NMNAT2: variants seen among roughly 807,000 people sequenced by gnomAD.
The protein encoded by NMNAT2 is nicotinamide nucleotide adenylyltransferase 2.
A neutral mutation model predicts 41.6 loss-of-function variants in NMNAT2; 11 were observed. The ratio of observed to expected loss-of-function variants is 0.26; its 90% confidence interval spans 0.17 to 0.44. The LOEUF (loss-of-function observed/expected upper bound fraction) is 0.44. Ranked by LOEUF, NMNAT2 falls within the 20% of genes least tolerant of loss-of-function variation. The probability of loss-of-function intolerance (pLI) is 1.00; values close to 1 mark genes in which losing one functional copy is unlikely to be tolerated. For synonymous variants in NMNAT2, 148 were observed against 151.2 expected, an observed-to-expected ratio of 0.98 and a Z score of 0.16; for missense variants, 288 against 407.7, an observed-to-expected ratio of 0.71 and a Z score of 2.53.
At chr1:183,307,589 C>T (rs1190886313) in intron 1 of NMNAT2, among the ~76,000 whole-genome samples, 1 of 152,170 alleles carries the variant, frequency 6.6e-6, no homozygotes, top group East Asian at 1.9e-4. Flanking sequence ...ATTACAGGCT[C>T]CCACCACCAC....
At chr1:183,386,396 A>G (rs557056540) in intron 1 of NMNAT2, among the ~76,000 whole-genome samples, 14 of 152,352 alleles carry the variant, frequency 9.2e-5, no homozygotes, top group African/African-American at 3.4e-4. Flanking sequence ...TATTTTGAAT[A>G]GCAATGTACC....
chr1:183,308,474 A>G (rs1662043738), intron 1 of NMNAT2, among the ~76,000 whole-genome samples: 1 of 152,160 alleles, frequency 6.6e-6, no homozygotes, highest in African/African-American at 2.4e-5. Flanking sequence ...TACAGAAAAA[A>G]CTTGCACATG....
intron 1 of NMNAT2, among the ~76,000 whole-genome samples, chr1:183,318,180 G>A (rs368043800): frequency 1.3e-5 from 2 of 152,176 alleles, no homozygotes; most frequent in Non-Finnish European, 2.9e-5. Flanking sequence ...CGAAGTCTCT[G>A]CCTCACCTCC....
chr1:183,305,895 T>C (rs1462906922), intron 1 of NMNAT2, among the ~76,000 whole-genome samples: 1 of 152,088 alleles, frequency 6.6e-6, no homozygotes, highest in East Asian at 1.9e-4. Flanking sequence ...CAATTTTTTG[T>C]ATTTTTAGTA....
At chr1:183,352,744 G>A (rs546034796) in intron 1 of NMNAT2, among the ~76,000 whole-genome samples, 2 of 152,244 alleles carry the variant, frequency 1.3e-5, no homozygotes, top group South Asian at 4.1e-4. Flanking sequence ...GCTGGTCCCG[G>A]GAACATGGTG....
intron 10 of NMNAT2, among the ~76,000 whole-genome samples, chr1:183,259,193 A>G (rs1355050136): frequency 6.6e-6 from 1 of 152,176 alleles, no homozygotes; most frequent in East Asian, 1.9e-4. Context: ...ACTCAGTGGG[A>G]CTGGGCAGGA....
intron 1 of NMNAT2, among the ~76,000 whole-genome samples, chr1:183,323,912 G>C (rs1228101462): frequency 6.6e-6 from 1 of 152,192 alleles, no homozygotes; most frequent in Non-Finnish European, 1.5e-5. Flanking sequence ...CAGAGGCTGG[G>C]GTGGAAGAGG....
intron 1 of NMNAT2, among the ~76,000 whole-genome samples, chr1:183,358,346 T>C (rs190889255): frequency 5.8e-4 from 89 of 152,290 alleles, no homozygotes; most frequent in Admixed American, 2.8e-3. Context: ...AAATAACCTG[T>C]ACAACAAACC....
chr1:183,271,372 G>C (rs541010355), intron 8 of NMNAT2, among the ~76,000 whole-genome samples: 1 of 152,060 alleles, frequency 6.6e-6, no homozygotes, highest in Non-Finnish European at 1.5e-5. Flanking sequence ...TCCTTAAAAA[G>C]CTCTTCTCTT....
chr1:183,352,075 A>G (rs1484107970), intron 1 of NMNAT2, among the ~76,000 whole-genome samples: 2 of 152,164 alleles, frequency 1.3e-5, no homozygotes, highest in Non-Finnish European at 2.9e-5. Context: ...GAGAATGTCT[A>G]GTTCAGGGCA....
intron 1 of NMNAT2, among the ~76,000 whole-genome samples, chr1:183,331,290 A>AG (rs1415080930): frequency 6.6e-6 from 1 of 150,728 alleles, no homozygotes; most frequent in Non-Finnish European, 1.5e-5. Flanking sequence ...GGTCTGGGGG[A>AG]GGGTTGCCAA....
chr1:183,393,998 A>G (rs553324396), intron 1 of NMNAT2, among the ~76,000 whole-genome samples: 22 of 152,370 alleles, frequency 1.4e-4, no homozygotes, highest in Admixed American at 1.0e-3. Flanking sequence ...GAAGAGATGG[A>G]CAATAAACAA....
chr1:183,382,277 G>A (rs1663816749), intron 1 of NMNAT2, among the ~76,000 whole-genome samples: 1 of 152,144 alleles, frequency 6.6e-6, no homozygotes, highest in Non-Finnish European at 1.5e-5. Context: ...GGGGAGATCT[G>A]CCCCCATGAT....
chr1:183,276,865 G>A (rs1359945453), intron 8 of NMNAT2, among the ~76,000 whole-genome samples: 1 of 152,234 alleles, frequency 6.6e-6, no homozygotes, highest in African/African-American at 2.4e-5. Context: ...CTGAAAGGAG[G>A]TTTAAAATTT....
At position 183,248,943 on chromosome 1, in the gene NMNAT2, G is replaced by A. The variant is rs1358817129; in HGVS notation, c.*3698C>T. The A allele has an allele frequency of 6.7e-6, 1 of 149,940 alleles. No individual in the cohort carries two copies. The highest frequency in any genetic ancestry group is 1.5e-5 in the Non-Finnish European group (1 of 67,688). The allele number at this position is 149,940 out of a possible 1,614,324, so 9.3% of individuals were successfully genotyped here. On this transcript the variant is annotated 3_prime_UTR_variant, in exon 11 of 11. Transcript: ENST00000287713. ...GTGTGTGTGTGTGTGTCAGTTTGAG[G>A]AGAGTAGAATTGGGCTGGTAAGTAC...
chr1:183,382,802 T>C (rs1663829481), intron 1 of NMNAT2, among the ~76,000 whole-genome samples: 1 of 152,206 alleles, frequency 6.6e-6, no homozygotes, highest in African/African-American at 2.4e-5. Flanking sequence ...CTCTGCCCCT[T>C]TAGCTCTGCA....
intron 5 of NMNAT2, among the ~76,000 whole-genome samples, chr1:183,285,609 T>C (rs1167235794): frequency 6.6e-6 from 1 of 152,218 alleles, no homozygotes; most frequent in African/African-American, 2.4e-5. Context: ...GTCTCCAGGC[T>C]TGAAAAGTAA....
chr1:183,293,013 C>T (rs1281690798), intron 2 of NMNAT2, among the ~76,000 whole-genome samples, 156 bp from the exon 3 acceptor site: 1 of 152,236 alleles, frequency 6.6e-6, no homozygotes, highest in South Asian at 2.1e-4. Context: ...GTTTGCCACA[C>T]AGGCAGGCCT....
At position 183,387,614 on chromosome 1, in the gene NMNAT2, G is replaced by A. The variant is rs560971760; in HGVS notation, c.85+30569C>T. ...CTTAACCTGGTGCGTTCAATGTTGAGGCAAATCAAACCAAACAACATTTCA... is the reference window on the plus strand; with the variant it reads ...CTTAACCTGGTGCGTTCAATGTTGAAGCAAATCAAACCAAACAACATTTCA... On this transcript the variant is annotated intron_variant, in intron 1 of 10. Coordinates refer to ENST00000287713, the MANE Select transcript of NMNAT2 (RefSeq NM_015039.4). Among the ~76,000 whole-genome samples the A allele has an allele frequency of 2.0e-5, 3 of 152,284 alleles. No homozygotes were observed. The South Asian group carries it at 6.2e-4, about 32-fold the overall frequency.
Sources: allele counts gnomAD v4.1 joint callset (sites outside exome capture counted in the v4.1 genomes callset), GRCh38; gene constraint gnomAD v4.1.1; transcripts MANE v1.5; gene names NCBI Gene and HGNC (gene_info 2026-07-23, HGNC 2026-07-21).